The following AGO2 variants were observed in gnomAD, a reference collection of about 807,000 sequenced individuals.
AGO2 encodes argonaute RISC catalytic component 2.
Under a neutral mutation model 102.3 loss-of-function variants are expected in AGO2, and 5 were observed. That is an observed-to-expected ratio of 0.05 (90% CI 0.03 to 0.10). AGO2 has a LOEUF of 0.10. AGO2 is among the 10% of genes least tolerant of loss of function. AGO2 has a pLI of 1.00. For missense variants in AGO2, 541 were observed against 1,183.7 expected, an observed-to-expected ratio of 0.46 and a Z score of 7.97; for synonymous variants, 449 against 473.1, an observed-to-expected ratio of 0.95 and a Z score of 0.66.
In AGO2 at chr8:140,547,613, C is replaced by CG; in HGVS notation, c.1602dup (p.Val535ArgfsTer139). The CG allele has an allele frequency of 6.2e-7, 1 of 1,613,312 alleles. No homozygotes were observed. Among genetic ancestry groups the CG allele is most frequent in the Non-Finnish European group, 8.5e-7 (1 of 1,179,618 alleles). On this transcript the variant is annotated frameshift_variant, in exon 13 of 19. Transcript: ENST00000220592. LOFTEE classifies it high-confidence loss of function. Reference sequence around the variant, plus strand: ...GCCATCCCCAGCACCGTGTCTCCCACGCGCTTGACCTCGGCTAAGGGACAT... The same window carrying CG: ...GCCATCCCCAGCACCGTGTCTCCCACGGCGCTTGACCTCGGCTAAGGGACAT...
Position 140,559,492 on chromosome 8 carries a change from G to C in AGO2, c.693C>G (p.Ile231Met). The C allele has an allele frequency of 6.2e-7, 1 of 1,614,218 alleles. No individual in the cohort carries two copies. Among genetic ancestry groups the C allele is most frequent in the South Asian group, 1.1e-5 (1 of 91,072 alleles). Residue 231 changes from isoleucine to methionine, a missense_variant, in exon 6 of 19, where the codon ATC (isoleucine) becomes ATG (methionine). This residue lies in a region of AGO2 where 21 missense variants were observed against 105.0 expected (regional missense o/e 0.20). Coordinates refer to ENST00000220592, the MANE Select transcript of AGO2 (RefSeq NM_012154.5). ...AATCCAAAACTTCACAAACAAACTC[G>C]ATTACTGGCTGTGCCTTGTAAAACG... ...ATAFYKAQPV[I>M]EFVCEVLDFK...
chr8:140,592,354 T>C (rs1266692462), intron 1 of AGO2: 2 of 152,232 alleles, frequency 1.3e-5, no homozygotes, highest in Admixed American at 6.5e-5. Flanking sequence ...CTGACTCTTC[T>C]CTACAGCCTT....
chr8:140,563,829 G>A (rs1012774260), intron 3 of AGO2, among the ~76,000 whole-genome samples: 7 of 152,304 alleles, frequency 4.6e-5, no homozygotes, highest in Non-Finnish European at 7.4e-5. Flanking sequence ...TTGCTCGCTC[G>A]CCCACTGCCC....
intron 18 of AGO2, 86 bp downstream of exon 18, chr8:140,532,330 G>A (rs909288539): frequency 1.3e-6 from 2 of 1,500,352 alleles, no homozygotes; most frequent in African/African-American, 1.4e-5. Context: ...CTGGGGCCCT[G>A]CCCCTTCCCC....
intron 1 of AGO2, among the ~76,000 whole-genome samples, chr8:140,603,298 G>A (rs536748491): frequency 8.5e-5 from 13 of 152,318 alleles, no homozygotes; most frequent in Admixed American, 2.0e-4. Context: ...CCTCCACACC[G>A]GGCTGTGTTT....
chr8:140,549,481 A>G (rs1325470597), intron 11 of AGO2, among the ~76,000 whole-genome samples, 183 bp from the exon 12 acceptor site: 1 of 152,204 alleles, frequency 6.6e-6, no homozygotes, highest in Non-Finnish European at 1.5e-5. Context: ...ACACATACTA[A>G]CTCATGAGAA....
rs747765152 is a variant in AGO2 at position 140,558,465 on chromosome 8, T to C, written c.878+20A>G. 6.2e-7 allele frequency: 1 copy of C among 1,613,940 alleles called. No homozygotes were observed. The highest frequency in any genetic ancestry group is 1.1e-5 in the South Asian group (1 of 91,084). On this transcript the variant is annotated intron_variant, in intron 7 of 18. Transcript: ENST00000220592. ...AGTGGGGGCCCCAGCCAAGAGAGTCTGAAAGGAAGGGCGTGTTACGTTTGG... is the reference window on the plus strand; with the variant it reads ...AGTGGGGGCCCCAGCCAAGAGAGTCCGAAAGGAAGGGCGTGTTACGTTTGG...
At position 140,562,530 on chromosome 8, in the gene AGO2, A is replaced by G. The variant is rs770507605; in HGVS notation, c.441T>C (p.Leu147=). The G allele has an allele frequency of 1.5e-5, 25 of 1,614,088 alleles. No homozygotes were observed. The South Asian group carries it at 2.6e-4, about 17-fold the overall frequency. Residue 147 remains leucine, a synonymous_variant, in exon 4 of 19, where the codon CTT becomes CTC. Coordinates refer to ENST00000220592, the MANE Select transcript of AGO2 (RefSeq NM_012154.5). The part of the protein sequence containing the change: ...CVSLQALHDA[L]SGRLPSVPFE... ...AAGGGACGCTGGGCAGCCGCCCTGA[A>G]AGTGCATCGTGTAACGCCTGCAAGC...
intron 17 of AGO2, among the ~76,000 whole-genome samples, chr8:140,535,151 C>T (rs1193146378): frequency 4.6e-5 from 7 of 152,232 alleles, no homozygotes; most frequent in East Asian, 1.9e-4. Context: ...GCAGCCCCAG[C>T]GCCTCAATCC....
chr8:140,548,611 T>C (rs965236529), intron 12 of AGO2, among the ~76,000 whole-genome samples: 6 of 152,186 alleles, frequency 3.9e-5, no homozygotes, highest in Admixed American at 3.9e-4. Context: ...TTTTTTGGGA[T>C]GTTGAACTGA....
At chr8:140,562,240 C>T (rs149465771) in intron 4 of AGO2, among the ~76,000 whole-genome samples, 163 of 152,358 alleles carry the variant, frequency 1.1e-3, no homozygotes, top group African/African-American at 3.5e-3. Flanking sequence ...GCCAACGTTC[C>T]GGGCCAGGCC....
chr8:140,560,601 C>T (rs2073183003), intron 4 of AGO2, 91 bp from the exon 5 acceptor site: 13 of 1,445,926 alleles, frequency 9.0e-6, no homozygotes, highest in East Asian at 2.3e-5. Context: ...GCGCCCACCA[C>T]ACCCTCATCA....
intron 14 of AGO2, 106 bp downstream of exon 14, chr8:140,544,107 C>A (rs2132886667): frequency 2.4e-6 from 3 of 1,254,608 alleles, no homozygotes; most frequent in East Asian, 5.4e-5. Context: ...CTTAGTGAGA[C>A]CCCATGCCTT....
rs764730848 is a variant in AGO2, at chr8:140,556,215, T to A, written c.1098A>T (p.Arg366Ser). ...LTDNQTSTMI[R>S]ATARSAPDRQ... Reference sequence around the variant, plus strand: ...GATCGGGCGCCGACCTAGCAGTCGCTCTGATCATGGTTGAGGTCTGATTGT... The same window carrying A: ...GATCGGGCGCCGACCTAGCAGTCGCACTGATCATGGTTGAGGTCTGATTGT... Residue 366 changes from arginine (R) to serine (S), a missense_variant, in exon 9 of 19, where the codon AGA becomes AGT. This residue lies in a region of AGO2 where 309 missense variants were observed against 735.1 expected (regional missense o/e 0.42). Coordinates refer to ENST00000220592, the MANE Select transcript of AGO2 (RefSeq NM_012154.5). 6.2e-7 allele frequency: 1 copy of A among 1,614,206 alleles called. No individual in the cohort carries two copies. The highest frequency in any genetic ancestry group is 1.1e-5 in the South Asian group (1 of 91,090).
intron 4 of AGO2, among the ~76,000 whole-genome samples, chr8:140,560,719 G>A (rs949216710): frequency 1.6e-4 from 24 of 152,346 alleles, no homozygotes; most frequent in African/African-American, 4.6e-4. Context: ...TGGGGGACCC[G>A]TGGCCTCACT....
In AGO2 at chr8:140,549,799, C is replaced by T. The variant is rs118008928; in HGVS notation, c.1404-501G>A. ...TAACTTGGACTGTATGACATCATCA[C>T]GAGAGAAAACAGCAGCCCGCAGCCT... On this transcript the variant is annotated intron_variant, in intron 11 of 18. Transcript: ENST00000220592. Among the ~76,000 whole-genome samples, 1,481 of 152,318 alleles carry T rather than the reference C, an allele frequency of 9.7e-3. 5 individuals are homozygous for T. Among genetic ancestry groups the T allele is most frequent in the African/African-American group, 0.013 (546 of 41,562 alleles).
At chr8:140,573,810 C>A (rs2073422798) in intron 2 of AGO2, among the ~76,000 whole-genome samples, 1 of 152,244 alleles carries the variant, frequency 6.6e-6, no homozygotes, top group Non-Finnish European at 1.5e-5. Flanking sequence ...CTCAGCTCGG[C>A]TGTGGGCCTT....
chr8:140,569,563 G>A (rs1000091882), intron 3 of AGO2, among the ~76,000 whole-genome samples: 1 of 152,210 alleles, frequency 6.6e-6, no homozygotes, highest in South Asian at 2.1e-4. Context: ...AAGCTCCAGG[G>A]AGCTGCAGAC....
At chr8:140,629,915 G>A (rs1454290252) in intron 1 of AGO2, among the ~76,000 whole-genome samples, 1 of 149,116 alleles carries the variant, frequency 6.7e-6, no homozygotes, top group Non-Finnish European at 1.5e-5. Flanking sequence ...GCGGAGGCGA[G>A]GGGAGGGGAG....
Sources: gnomAD v4.1 joint callset for allele counts (sites outside exome capture counted in the v4.1 genomes callset) on GRCh38, gnomAD v4.1.1 for gene constraint, gnomAD v4.1.1 regional missense constraint, MANE v1.5 for transcripts, NCBI Gene and HGNC (gene_info 2026-07-23, HGNC 2026-07-21) for gene names.